KCNIP4: variants seen among roughly 807,000 people sequenced by gnomAD.
KCNIP4 encodes the protein Kv channel-interacting protein 4.
A neutral mutation model predicts 34.0 loss-of-function variants in KCNIP4; 12 were observed. The ratio of observed to expected loss-of-function variants is 0.35; its 90% CI spans 0.23 to 0.57. The LOEUF (loss-of-function observed/expected upper bound fraction) is 0.57. Ranked by LOEUF, KCNIP4 falls within the 20% of genes least tolerant of loss-of-function variation. The probability of loss-of-function intolerance (pLI) is 0.83; values close to 1 mark genes in which losing one functional copy is unlikely to be tolerated. For missense variants in KCNIP4, 238 were observed against 311.7 expected (o/e 0.76, Z 1.78); for synonymous variants, 124 against 102.2 (o/e 1.21, Z -1.29).
intron 3 of KCNIP4, among the ~76,000 whole-genome samples, chr4:20,816,173 G>C (rs1404489230): frequency 1.3e-5 from 2 of 150,378 alleles, no homozygotes; most frequent in African/African-American, 4.9e-5. Context: ...AGAATCACTT[G>C]AACTTGGGAG....
At chr4:21,917,586 T>A (rs1349116004) in intron 1 of KCNIP4, among the ~76,000 whole-genome samples, 2 of 151,958 alleles carry the variant, frequency 1.3e-5, no homozygotes, top group Non-Finnish European at 2.9e-5. Context: ...TACTAAGGGG[T>A]AGATTGAGGA....
chr4:20,832,538 A>G (rs1341668983), intron 3 of KCNIP4, among the ~76,000 whole-genome samples: 2 of 152,098 alleles, frequency 1.3e-5, no homozygotes, highest in East Asian at 3.9e-4. Context: ...TGTATATTTT[A>G]TTGGTCATAT....
intron 5 of KCNIP4, among the ~76,000 whole-genome samples, chr4:20,744,582 A>G (rs1751984784): frequency 6.6e-6 from 1 of 151,854 alleles, no homozygotes; most frequent in South Asian, 2.1e-4. Flanking sequence ...ACACTTGGAC[A>G]TAGGATGGAG....
At chr4:21,713,697 T>C (rs1354934713) in intron 1 of KCNIP4, among the ~76,000 whole-genome samples, 1 of 152,180 alleles carries the variant, frequency 6.6e-6, no homozygotes, top group Non-Finnish European at 1.5e-5. Flanking sequence ...CATTAGAATG[T>C]ATTCCTTCTA....
At chr4:21,018,372 G>A (rs540990751) in intron 1 of KCNIP4, among the ~76,000 whole-genome samples, 17 of 152,318 alleles carry the variant, frequency 1.1e-4, no homozygotes, top group African/African-American at 3.1e-4. Context: ...ATTGGAAGGT[G>A]AGATGTCCAT....
At chr4:20,861,379 A>G (rs937094866) in intron 2 of KCNIP4, among the ~76,000 whole-genome samples, 3 of 152,178 alleles carry the variant, frequency 2.0e-5, no homozygotes, top group Non-Finnish European at 4.4e-5. Flanking sequence ...AGAAGCAATT[A>G]ATTCCAAGCT....
intron 1 of KCNIP4, among the ~76,000 whole-genome samples, chr4:21,338,959 T>G (rs1716462699): frequency 6.6e-6 from 1 of 152,188 alleles, no homozygotes; most frequent in African/African-American, 2.4e-5. Flanking sequence ...CTGTAGGTTC[T>G]ATAGGAATCT....
At chr4:21,382,742 T>C (rs181520984) in intron 1 of KCNIP4, among the ~76,000 whole-genome samples, 135 of 152,298 alleles carry the variant, frequency 8.9e-4, no homozygotes, top group African/African-American at 3.0e-3. Flanking sequence ...AAATCTGAAT[T>C]ATCCATGAAA....
At chr4:20,871,019 T>C (rs140580020) in intron 2 of KCNIP4, among the ~76,000 whole-genome samples, 251 of 152,292 alleles carry the variant, frequency 1.6e-3, no homozygotes, top group African/African-American at 5.9e-3. Flanking sequence ...TGAATATCTG[T>C]CATTTCCTCT....
chr4:21,780,995 C>T (rs138842390), intron 1 of KCNIP4, among the ~76,000 whole-genome samples: 7 of 152,186 alleles, frequency 4.6e-5, no homozygotes, highest in Admixed American at 2.0e-4. Flanking sequence ...TCTAAGAACA[C>T]CAGTTACTTG....
intron 1 of KCNIP4, among the ~76,000 whole-genome samples, chr4:21,201,948 G>T (rs1756529336): frequency 1.3e-5 from 2 of 152,152 alleles, no homozygotes; most frequent in South Asian, 4.1e-4. Flanking sequence ...ATTTTATAAG[G>T]TAGGTAAAAC....
chr4:21,564,373 T>C (rs560263269), intron 1 of KCNIP4, among the ~76,000 whole-genome samples: 5 of 152,142 alleles, frequency 3.3e-5, no homozygotes, highest in African/African-American at 1.2e-4. Context: ...CAACACCCAC[T>C]CCTCAATGGA....
chr4:21,752,663 T>C lies in KCNIP4; in HGVS notation c.61+195908A>G, dbSNP rs114374976. Among the ~76,000 whole-genome samples, 1,335 of 152,318 alleles carry C rather than the reference T, an allele frequency of 8.8e-3. 19 individuals are homozygous for C. The highest frequency in any genetic ancestry group is 0.039 in the South Asian group (188 of 4,830). On this transcript the variant is annotated intron_variant, in intron 1 of 8. Coordinates refer to ENST00000382152, the MANE Select transcript of KCNIP4 (RefSeq NM_025221.6). Reference sequence around the variant, plus strand: ...AAGAAAAATTCTGAGGTCAGAGGGTTGGGACTGATATTTAAGAAAGACTTC... The same window carrying C: ...AAGAAAAATTCTGAGGTCAGAGGGTCGGGACTGATATTTAAGAAAGACTTC...
intron 1 of KCNIP4, among the ~76,000 whole-genome samples, chr4:21,839,583 G>T (rs543792360): frequency 1.3e-5 from 2 of 152,148 alleles, no homozygotes; most frequent in South Asian, 2.1e-4. Context: ...GAGAAATACT[G>T]TCTCTACTAA....
At chr4:21,016,167 T>C (rs1739524339) in intron 1 of KCNIP4, among the ~76,000 whole-genome samples, 1 of 151,416 alleles carries the variant, frequency 6.6e-6, no homozygotes, top group Non-Finnish European at 1.5e-5. Flanking sequence ...TGACTGCCAC[T>C]CTAGGACCCT....
At chr4:20,796,443 G>T (rs1713475329) in intron 3 of KCNIP4, among the ~76,000 whole-genome samples, 1 of 152,130 alleles carries the variant, frequency 6.6e-6, no homozygotes, top group Non-Finnish European at 1.5e-5. Flanking sequence ...ATTAAATGAA[G>T]TAGTGTGTGT....
chr4:21,603,322 T>A (rs970931939), intron 1 of KCNIP4, among the ~76,000 whole-genome samples: 1 of 152,112 alleles, frequency 6.6e-6, no homozygotes, highest in Non-Finnish European at 1.5e-5. Context: ...TAAAATTTAT[T>A]CAGACTTTTT....
intron 1 of KCNIP4, among the ~76,000 whole-genome samples, chr4:21,284,645 G>T (rs1218194750): frequency 6.6e-6 from 1 of 152,110 alleles, no homozygotes; most frequent in Non-Finnish European, 1.5e-5. Flanking sequence ...GATCTCCGAG[G>T]ATAAACAGGA....
At chr4:21,372,813 G>A (rs1720595523) in intron 1 of KCNIP4, among the ~76,000 whole-genome samples, 1 of 146,038 alleles carries the variant, frequency 6.8e-6, no homozygotes, top group Non-Finnish European at 1.5e-5. Context: ...GGCAGTTTTT[G>A]TGTTCAGTTC....
Sources: gnomAD v4.1 joint callset for allele counts (sites outside exome capture counted in the v4.1 genomes callset) on GRCh38, gnomAD v4.1.1 for gene constraint, MANE v1.5 for transcripts, NCBI Gene and HGNC (gene_info 2026-07-23, HGNC 2026-07-21) for gene names.